The following TBCK variants were observed in gnomAD, a reference collection of about 807,000 sequenced individuals.
The protein encoded by TBCK is TBC domain-containing protein kinase-like protein.
Under a neutral mutation model 113.4 loss-of-function variants are expected in TBCK, and 99 were observed. The observed-to-expected ratio is 0.87, with a 90% CI of 0.74 to 1.03. The LOEUF (loss-of-function observed/expected upper bound fraction) is 1.03, where lower values mean the gene tolerates loss of function less well. TBCK is among the 50% of genes least tolerant of loss of function. The pLI is 0.00. For synonymous variants in TBCK, 369 were observed against 370.8 expected, an observed-to-expected ratio of 1.00 and a Z score of 0.05; for missense variants, 1,045 against 1,061.3, an observed-to-expected ratio of 0.98 and a Z score of 0.21.
rs1295927408 is a variant in TBCK at position 106,071,372 on chromosome 4, GA to G, written c.2571+24109del. ...CATTATTTACCCAGTAGTCATTCAG[GA>G]GCAGGTTGTTCAGTTTCCATGTAGT... On this transcript the variant is annotated intron_variant, in intron 25 of 25. Coordinates refer to ENST00000394708, the MANE Select transcript of TBCK (RefSeq NM_001163435.3). Among the ~76,000 whole-genome samples, 18 of 152,218 alleles carry G rather than the reference GA, an allele frequency of 1.2e-4. No homozygotes were observed. In the Middle Eastern group the frequency reaches 0.02, roughly 173 times the overall value.
At chr4:106,211,575 A>G (rs1056065463) in intron 20 of TBCK, among the ~76,000 whole-genome samples, 1 of 152,134 alleles carries the variant, frequency 6.6e-6, no homozygotes, top group Non-Finnish European at 1.5e-5. Flanking sequence ...AGGTCTCAAT[A>G]TAAAATGTAT....
At chr4:106,198,828 C>A (rs780856796) in intron 20 of TBCK, among the ~76,000 whole-genome samples, 1 of 152,088 alleles carries the variant, frequency 6.6e-6, no homozygotes, top group South Asian at 2.1e-4. Context: ...GTCAGACATA[C>A]GAACAGATAC....
chr4:106,229,426 T>C (rs1429204583), intron 19 of TBCK, among the ~76,000 whole-genome samples: 1 of 151,424 alleles, frequency 6.6e-6, no homozygotes, highest in Non-Finnish European at 1.5e-5. Context: ...TTTGTGTATG[T>C]TGACAGATAG....
At chr4:106,281,011 G>C (rs972623024) in intron 3 of TBCK, among the ~76,000 whole-genome samples, 1 of 151,966 alleles carries the variant, frequency 6.6e-6, no homozygotes, top group South Asian at 2.1e-4. Flanking sequence ...AGATTGCTTT[G>C]GGTAGTATGA....
intron 19 of TBCK, among the ~76,000 whole-genome samples, chr4:106,222,247 AAATT>A (rs1286337636): frequency 2.6e-5 from 4 of 152,196 alleles, no homozygotes; most frequent in African/African-American, 7.2e-5. Context: ...AAATGAAAAT[AAATT>A]GTCATCTTCC....
intron 2 of TBCK, among the ~76,000 whole-genome samples, chr4:106,302,910 C>A (rs535912083): frequency 2.6e-5 from 4 of 152,254 alleles, no homozygotes; most frequent in African/African-American, 7.2e-5. Flanking sequence ...AAATAAAAAT[C>A]TTTGGCAAAA....
At chr4:106,239,151 A>G (rs1759800885) in intron 12 of TBCK, among the ~76,000 whole-genome samples, 1 of 152,042 alleles carries the variant, frequency 6.6e-6, no homozygotes, top group Non-Finnish European at 1.5e-5. Context: ...AAATCTAACC[A>G]ACTTGGGAAG....
At chr4:106,305,855 T>C (rs1767460420) in intron 2 of TBCK, among the ~76,000 whole-genome samples, 1 of 152,162 alleles carries the variant, frequency 6.6e-6, no homozygotes, top group African/African-American at 2.4e-5. Context: ...AGTTTACAAA[T>C]TCCAAGGCAA....
intron 23 of TBCK, among the ~76,000 whole-genome samples, chr4:106,168,494 C>A (rs1006754041): frequency 2.6e-5 from 4 of 151,662 alleles, no homozygotes; most frequent in Admixed American, 6.6e-5. Context: ...GTATCTAATG[C>A]AATAACACAA....
intron 22 of TBCK, among the ~76,000 whole-genome samples, chr4:106,171,511 G>A (rs973328120): frequency 6.6e-6 from 1 of 151,992 alleles, no homozygotes; most frequent in African/African-American, 2.4e-5. Context: ...ATGTTTTCAT[G>A]TGTGTCTTTT....
chr4:106,075,353 G>A (rs1738053691), intron 25 of TBCK, among the ~76,000 whole-genome samples: 2 of 152,212 alleles, frequency 1.3e-5, no homozygotes, highest in Admixed American at 1.3e-4. Flanking sequence ...TTCAGTAATT[G>A]TCTATAAGTA....
At chr4:106,137,474 C>G (rs1264049868) in intron 23 of TBCK, among the ~76,000 whole-genome samples, 3 of 140,024 alleles carry the variant, frequency 2.1e-5, no homozygotes, top group Non-Finnish European at 4.9e-5. Flanking sequence ...GACTATCACT[C>G]TCAAAGGAAT....
intron 23 of TBCK, among the ~76,000 whole-genome samples, chr4:106,134,243 T>C (rs1433959678): frequency 1.3e-5 from 2 of 152,114 alleles, no homozygotes; most frequent in Non-Finnish European, 2.9e-5. Context: ...AACATGCTAA[T>C]GACCACAGAG....
At chr4:106,305,510 T>C (rs1187852824) in intron 2 of TBCK, among the ~76,000 whole-genome samples, 1 of 151,832 alleles carries the variant, frequency 6.6e-6, no homozygotes, top group Non-Finnish European at 1.5e-5. Context: ...TTGATTAATA[T>C]ATATATATTT....
At chr4:106,173,505 CA>C (rs1389495440) in intron 22 of TBCK, among the ~76,000 whole-genome samples, 1 of 152,058 alleles carries the variant, frequency 6.6e-6, no homozygotes, top group Non-Finnish European at 1.5e-5. Context: ...CATCTGTCAC[CA>C]GCAAAGTTTG....
At chr4:106,070,317 C>G (rs1737239324) in intron 25 of TBCK, among the ~76,000 whole-genome samples, 1 of 152,162 alleles carries the variant, frequency 6.6e-6, no homozygotes, top group Non-Finnish European at 1.5e-5. Flanking sequence ...TACGTTCCAT[C>G]AATACCTAGT....
chr4:106,116,528 G>T (rs1469690747), intron 23 of TBCK, 150 bp from the exon 24 acceptor site: 5 of 711,262 alleles, frequency 7.0e-6, no homozygotes, highest in Non-Finnish European at 1.1e-5. Context: ...TAATTCAGTG[G>T]TCTCCAACCC....
In TBCK at chr4:106,244,636, T is replaced by A; in HGVS notation, c.1060A>T (p.Thr354Ser). 1 of 1,603,800 alleles carries A rather than the reference T, an allele frequency of 6.2e-7. No individual in the cohort carries two copies. Among genetic ancestry groups the A allele is most frequent in the East Asian group, 2.2e-5 (1 of 44,504 alleles). The change falls in exon 11 of 26, where the codon ACA becomes TCA. Residue 354 changes from threonine (T) to serine (S), a missense_variant. Transcript: ENST00000394708. Reference protein sequence around the residue: ...EIIRSKPPICTLPNFLFEDGE... With the variant: ...EIIRSKPPICSLPNFLFEDGE... ...AGTTTCTTTCCTTACTTGGGGAGTG[T>A]GCAGATAGGTGGTTTGGATCGAATG...
chr4:106,235,361 G>T lies in TBCK; in HGVS notation c.1357C>A (p.Pro453Thr). The change falls in exon 15 of 26, where the codon CCA (proline) becomes ACA (threonine). Residue 453 changes from proline to threonine, a missense_variant. Transcript: ENST00000394708. The stretch of plus-strand genomic sequence containing the variant: ...TTCCAGATTTGGTTTTTTTTATATG[G>T]ATAAGCCTATGATATCAAAAAAGAA... ...ILFDRLLKAYPYKKNQIWKEA... is the reference protein window; with the variant it reads ...ILFDRLLKAYTYKKNQIWKEA... The T allele has an allele frequency of 6.3e-7, 1 of 1,599,446 alleles. No homozygotes were observed. Among genetic ancestry groups the T allele is most frequent in the Non-Finnish European group, 8.5e-7 (1 of 1,171,752 alleles).
Sources: gnomAD v4.1 joint callset for allele counts (sites outside exome capture counted in the v4.1 genomes callset) on GRCh38, gnomAD v4.1.1 for gene constraint, MANE v1.5 for transcripts, NCBI Gene and HGNC (gene_info 2026-07-23, HGNC 2026-07-21) for gene names.